Variants in FBXO41 observed in about 807,000 individuals in gnomAD.
FBXO41 encodes F-box only protein 41.
A neutral mutation model predicts 81.6 loss-of-function variants in FBXO41; 33 were observed. The observed-to-expected ratio is 0.40, with a 90% CI of 0.31 to 0.54. FBXO41 has a LOEUF of 0.54. FBXO41 is among the 20% of genes least tolerant of loss of function. The pLI, the probability that FBXO41 is intolerant of heterozygous loss-of-function variation, is 0.39. For synonymous variants in FBXO41, 576 were observed against 552.7 expected (o/e 1.04, Z -0.59); for missense variants, 1,107 against 1,236.0 (o/e 0.90, Z 1.56).
At chr2:73,277,905 T>C (rs1688742168) in intron 1 of FBXO41, among the ~76,000 whole-genome samples, 1 of 152,220 alleles carries the variant, frequency 6.6e-6, no homozygotes, top group Admixed American at 6.5e-5. Flanking sequence ...ATCTCATCCT[T>C]TCTTTAGTGA....
At chr2:73,272,731 C>T (rs1015068108) in intron 1 of FBXO41, among the ~76,000 whole-genome samples, 2 of 151,750 alleles carry the variant, frequency 1.3e-5, no homozygotes, top group South Asian at 4.2e-4. Context: ...GATAACCCCT[C>T]CCTCCTTCTA....
rs1200743276 is a variant in FBXO41, at chr2:73,269,487, G to A, written c.144C>T (p.Cys48=). The change falls in exon 2 of 13, where the codon TGC becomes TGT. Residue 48 remains cysteine (C), a synonymous_variant. Coordinates refer to ENST00000520530, the MANE Select transcript of FBXO41 (RefSeq NM_001371389.2). The surrounding 1 kb of genome is among the most constrained non-coding windows in gnomAD (Gnocchi z 7.0). ...LYILSKTNSI[C]DGAAAAAAAA... is the part of the protein sequence containing the mutation. ...CGGCCGCGGCGGCGGCGGCGCCGTC[G>A]CAGATGCTGTTGGTCTTGGAGAGGA... is the stretch of plus-strand genomic sequence containing the variant. The A allele has an allele frequency of 4.6e-6, 6 of 1,295,660 alleles. 1 individual carries two copies. In the South Asian group the frequency reaches 7.7e-5, roughly 17 times the overall value. 80.3% of individuals were successfully genotyped at this position (1,295,660 alleles called of 1,614,324 possible). A position where few individuals can be genotyped will look rare whatever the true frequency, so the allele number is the denominator to read the frequency against.
intron 5 of FBXO41, 79 bp from the exon 6 acceptor site, chr2:73,264,598 G>T: frequency 6.3e-7 from 1 of 1,575,496 alleles, no homozygotes; most frequent in Non-Finnish European, 8.6e-7. Context: ...GCTGGGGCAG[G>T]GTAGGATCTG....
chr2:73,264,487 GCCGA>G lies in FBXO41; in HGVS notation c.1593_1596del (p.Arg532GlufsTer19). ...CGTGAGGGGCTGACCCTCTCTGCTCGCCGACCCCGCCCACTGCCTCCCTCGGGGC... is the reference window on the plus strand; with the variant it reads ...CGTGAGGGGCTGACCCTCTCTGCTCGCCCCGCCCACTGCCTCCCTCGGGGC... On this transcript the variant is annotated frameshift_variant, in exon 6 of 13. Coordinates refer to ENST00000520530, the MANE Select transcript of FBXO41 (RefSeq NM_001371389.2). LOFTEE classifies it high-confidence loss of function. The G allele has an allele frequency of 6.2e-7, 1 of 1,613,726 alleles. No individual in the cohort carries two copies. Among genetic ancestry groups the G allele is most frequent in the South Asian group, 1.1e-5 (1 of 91,072 alleles).
Position 73,266,058 on chromosome 2 carries a change from G to A in FBXO41, c.1132-92C>T. 9.0e-7 allele frequency: 1 copy of A among 1,112,992 alleles called. No homozygotes were observed. The highest frequency in any genetic ancestry group is 1.3e-6 in the Non-Finnish European group (1 of 755,900). The allele number at this position is 1,112,992 out of a possible 1,614,324, so 68.9% of individuals were successfully genotyped here. On this transcript the variant is annotated intron_variant, in intron 3 of 12. Transcript: ENST00000520530. This position sits in a 1 kb window ranked among gnomAD's most constrained non-coding sequence, Gnocchi z 5.3. ...CAGGGGAAACAGGGCAAAAGATGGA[G>A]AGGAGATGGGGGAGAGGAGAGAGAA...
At chr2:73,264,660 G>A (rs1410139260) in intron 5 of FBXO41, 141 bp from the exon 6 acceptor site, 4 of 1,261,520 alleles carry the variant, frequency 3.2e-6, no homozygotes, top group Non-Finnish European at 4.3e-6. Flanking sequence ...AGGAAAAGGG[G>A]CCTCTGCCTC....
At position 73,265,890 on chromosome 2, in the gene FBXO41, T is replaced by C; in HGVS notation, c.1205+3A>G. On this transcript the variant is annotated splice_donor_region_variant and intron_variant, in intron 4 of 12. Transcript: ENST00000520530. ...CATGGGGTGGGCTGGGCCCAAGGCTTACCCTGTGCTCGGAGAGGAGCCATG... is the reference window on the plus strand; with the variant it reads ...CATGGGGTGGGCTGGGCCCAAGGCTCACCCTGTGCTCGGAGAGGAGCCATG... 3 of 1,583,250 alleles carry C rather than the reference T, an allele frequency of 1.9e-6. No individual in the cohort carries two copies. The highest frequency in any genetic ancestry group is 2.6e-6 in the Non-Finnish European group (3 of 1,164,698).
Position 73,260,920 on chromosome 2 carries a change from T to G in FBXO41, c.2172-62A>C. The stretch of plus-strand genomic sequence containing the variant: ...CTGGATGCTTGATAACCCAGCATGC[T>G]CCTCCTGTGGGACCCCTCCCTGACT... On this transcript the variant is annotated intron_variant, in intron 9 of 12. Coordinates refer to ENST00000520530, the MANE Select transcript of FBXO41 (RefSeq NM_001371389.2). This position sits in a 1 kb window ranked among gnomAD's most constrained non-coding sequence, Gnocchi z 5.0. 7.3e-7 allele frequency: 1 copy of G among 1,367,780 alleles called. No individual in the cohort carries two copies. Among genetic ancestry groups the G allele is most frequent in the Non-Finnish European group, 1.0e-6 (1 of 997,284 alleles). 84.7% of individuals were successfully genotyped at this position (1,367,780 alleles called of 1,614,324 possible).
At chr2:73,283,607 G>A (rs1470436632) in intron 1 of FBXO41, among the ~76,000 whole-genome samples, 2 of 152,206 alleles carry the variant, frequency 1.3e-5, no homozygotes, top group Admixed American at 6.5e-5. Context: ...CAATGCGGAG[G>A]GGCGCACACA....
At chr2:73,276,188 T>C (rs1688676023) in intron 1 of FBXO41, among the ~76,000 whole-genome samples, 1 of 149,832 alleles carries the variant, frequency 6.7e-6, no homozygotes, top group African/African-American at 2.5e-5. Context: ...GGTGGGTGGA[T>C]CACCTGAGGT....
chr2:73,270,749 C>T (rs1455765032), intron 1 of FBXO41: 2 of 528,238 alleles, frequency 3.8e-6, no homozygotes, highest in African/African-American at 1.9e-5. Flanking sequence ...TCACTGTCAA[C>T]TCCTGCTGCC....
At position 73,254,766 on chromosome 2, in the gene FBXO41, T is replaced by C. The variant is rs551385520; in HGVS notation, c.*4216A>G. 2 of 152,714 alleles carry C rather than the reference T, an allele frequency of 1.3e-5. No individual in the cohort carries two copies. Among genetic ancestry groups the C allele is most frequent in the African/African-American group, 2.4e-5 (1 of 41,552 alleles). The allele number at this position is 152,714 out of a possible 1,614,324, so 9.5% of individuals were successfully genotyped here. A position where few individuals can be genotyped will look rare whatever the true frequency, so the allele number is the denominator to read the frequency against. On this transcript the variant is annotated 3_prime_UTR_variant, in exon 13 of 13. Transcript: ENST00000520530. Reference sequence around the variant, plus strand: ...GCCCATGTGAGTCCTTTTAAATACATACACTCAGGTACATTCAGCAAAGGG... The same window carrying C: ...GCCCATGTGAGTCCTTTTAAATACACACACTCAGGTACATTCAGCAAAGGG...
In FBXO41 at chr2:73,284,462, G is replaced by A. The variant is rs532826298; in HGVS notation, c.-441C>T. 6.6e-6 allele frequency: 1 copy of A among 152,446 alleles called. No homozygotes were observed. The highest frequency in any genetic ancestry group is 6.5e-5 in the Admixed American group (1 of 15,300). The allele number at this position is 152,446 out of a possible 1,614,324, so 9.4% of individuals were successfully genotyped here. A position where few individuals can be genotyped will look rare whatever the true frequency, so the allele number is the denominator to read the frequency against. The stretch of plus-strand genomic sequence containing the variant: ...CCGAGGAAAGCAAGGGAAGGGGGAG[G>A]GAGGCAGCACCGAGGTGGGGCGGAG... On this transcript the variant is annotated 5_prime_UTR_variant, in exon 1 of 13. Transcript: ENST00000520530. This position sits in a 1 kb window ranked among gnomAD's most constrained non-coding sequence, Gnocchi z 7.4.
At chr2:73,267,584 G>A (rs1167418525) in intron 2 of FBXO41, among the ~76,000 whole-genome samples, 1 of 152,232 alleles carries the variant, frequency 6.6e-6, no homozygotes, top group Non-Finnish European at 1.5e-5. Context: ...CTGTCTTTAT[G>A]GAGTTTATAT....
At position 73,269,752 on chromosome 2, in the gene FBXO41, G is replaced by A; in HGVS notation, c.-122C>T. On this transcript the variant is annotated 5_prime_UTR_variant, in exon 2 of 13. Coordinates refer to ENST00000520530, the MANE Select transcript of FBXO41 (RefSeq NM_001371389.2). This position sits in a 1 kb window ranked among gnomAD's most constrained non-coding sequence, Gnocchi z 7.0. ...GGTCAGGAAGGCTCAGGGCGCCCGC[G>A]GCCTGGGGCGAGGAGGCTGGAAGAG... is the stretch of plus-strand genomic sequence containing the variant. 1.8e-6 allele frequency: 1 copy of A among 549,740 alleles called. No individual in the cohort carries two copies. The highest frequency in any genetic ancestry group is 2.4e-6 in the Non-Finnish European group (1 of 408,344). The allele number at this position is 549,740 out of a possible 1,614,324, so 34.1% of individuals were successfully genotyped here.
chr2:73,259,812 G>C lies in FBXO41; in HGVS notation c.2450-516C>G, dbSNP rs1687941000. Reference sequence around the variant, plus strand: ...CAGTTAGTTCTGGTGGTAAAGTCCAGGGTATCCCATGTGGCTGAAGGGGGA... The same window carrying C: ...CAGTTAGTTCTGGTGGTAAAGTCCACGGTATCCCATGTGGCTGAAGGGGGA... On this transcript the variant is annotated intron_variant, in intron 11 of 12. Coordinates refer to ENST00000520530, the MANE Select transcript of FBXO41 (RefSeq NM_001371389.2). This position sits in a 1 kb window ranked among gnomAD's most constrained non-coding sequence, Gnocchi z 4.2. Among the ~76,000 whole-genome samples, 1 of 152,130 alleles carries C rather than the reference G, an allele frequency of 6.6e-6. No homozygotes were observed. The highest frequency in any genetic ancestry group is 1.5e-5 in the Non-Finnish European group (1 of 68,020).
At chr2:73,275,887 A>G (rs1688668407) in intron 1 of FBXO41, among the ~76,000 whole-genome samples, 1 of 149,984 alleles carries the variant, frequency 6.7e-6, no homozygotes, top group African/African-American at 2.5e-5. Flanking sequence ...CCTGGGTTCA[A>G]GTGATTCTCC....
intron 2 of FBXO41, among the ~76,000 whole-genome samples, chr2:73,267,259 T>C (rs1213875735): frequency 6.6e-6 from 1 of 152,216 alleles, no homozygotes; most frequent in African/African-American, 2.4e-5. Context: ...AGCTTGGGCA[T>C]GTGCTTACGT....
At chr2:73,276,353 T>A (rs1281038769) in intron 1 of FBXO41, among the ~76,000 whole-genome samples, 2 of 151,608 alleles carry the variant, frequency 1.3e-5, no homozygotes, top group African/African-American at 2.4e-5. Context: ...GAGGTTGCAA[T>A]GAGCCATTCC....
Sources: gnomAD v4.1 joint callset for allele counts (sites outside exome capture counted in the v4.1 genomes callset) on GRCh38, gnomAD v4.1.1 for gene constraint, Gnocchi (gnomAD v3.1) non-coding constraint, MANE v1.5 for transcripts, NCBI Gene and HGNC (gene_info 2026-07-23, HGNC 2026-07-21) for gene names.